GLS2: variants seen among roughly 807,000 people sequenced by gnomAD.
GLS2 encodes the protein glutaminase 2, also known as glutaminase liver isoform, mitochondrial.
GLS2 carries 52 observed loss-of-function variants against 79.0 expected under a neutral mutation model. The observed-to-expected ratio is 0.66, with a 90% CI of 0.53 to 0.83. The LOEUF (loss-of-function observed/expected upper bound fraction) is 0.83, where lower values mean the gene tolerates loss of function less well. GLS2 is among the 40% of genes least tolerant of loss of function. The probability of loss-of-function intolerance (pLI) is 0.00; values close to 1 mark genes in which losing one functional copy is unlikely to be tolerated. For synonymous variants in GLS2, 238 were observed against 280.8 expected (o/e 0.85, Z 1.52); for missense variants, 561 against 764.8 (o/e 0.73, Z 3.14).
Position 56,473,321 on chromosome 12 carries a change from C to A in GLS2, c.1357-1G>T, listed in dbSNP as rs1212443891. ...GGAAATTGAAGAGAGACACCAACTT[C>A]TAGAATTGTAAGCCAAATATATTGT... On this transcript the variant is annotated splice_acceptor_variant, in intron 13 of 17. Coordinates refer to ENST00000311966, the MANE Select transcript of GLS2 (RefSeq NM_013267.4). LOFTEE classifies it high-confidence loss of function. The A allele has an allele frequency of 6.2e-7, 1 of 1,613,992 alleles. No homozygotes were observed. The highest frequency in any genetic ancestry group is 1.7e-5 in the Admixed American group (1 of 59,986).
chr12:56,480,377 C>T lies in GLS2; in HGVS notation c.193G>A (p.Glu65Lys), dbSNP rs1244001942. The change falls in exon 2 of 18, where the codon GAA becomes AAA. Residue 65 changes from glutamate to lysine, a missense_variant. Transcript: ENST00000311966. ...QPQHQDHDSS[E>K]SGMLSRLGDL... Reference sequence around the variant, plus strand: ...CCCAGGCGGGACAGCATGCCACTTTCTGATGAATCACTGTTTGGGGGCAGA... The same window carrying T: ...CCCAGGCGGGACAGCATGCCACTTTTTGATGAATCACTGTTTGGGGGCAGA... 3.1e-6 allele frequency: 5 copies of T among 1,614,076 alleles called. No homozygotes were observed. The highest frequency in any genetic ancestry group is 4.2e-6 in the Non-Finnish European group (5 of 1,179,960).
rs1565703564 is a variant in GLS2 at position 56,475,626 on chromosome 12, G to A, written c.927C>T (p.Ala309=). ...CAGTCCTCTGAGTAGGGACTTACGT[G>A]GCATTGCTGAAACCCATGTATTCAT... ...AGNEYMGFSN[A]TFQSEKETGD... is the part of the protein sequence containing the mutation. The change falls in exon 9 of 18, where the codon GCC becomes GCT. Residue 309 remains alanine, a splice_region_variant and synonymous_variant. Coordinates refer to ENST00000311966, the MANE Select transcript of GLS2 (RefSeq NM_013267.4). The A allele has an allele frequency of 2.5e-6, 4 of 1,614,054 alleles. No individual in the cohort carries two copies. The highest frequency in any genetic ancestry group is 1.7e-6 in the Non-Finnish European group (2 of 1,179,970).
chr12:56,487,668 C>T, intron 1 of GLS2: 1 of 520,564 alleles, frequency 1.9e-6, no homozygotes, highest in Non-Finnish European at 3.4e-6. Context: ...CAACACTCGG[C>T]GCGCATCTGT....
At chr12:56,471,708 A>C (rs935123700) in intron 17 of GLS2, 65 bp from the exon 18 acceptor site, 5 of 1,611,682 alleles carry the variant, frequency 3.1e-6, no homozygotes. Flanking sequence ...ATATATTTGC[A>C]TGGTGGCTGG....
At chr12:56,472,519 G>A (rs1009818212) in intron 15 of GLS2, 171 bp downstream of exon 15, 6 of 635,418 alleles carry the variant, frequency 9.4e-6, no homozygotes, top group African/African-American at 3.7e-5. Flanking sequence ...AGAGCAGACA[G>A]TTTACTTTTT....
rs754576147 is a variant in GLS2, at chr12:56,479,800, C to T, written c.384G>A (p.Leu128=). 1 of 1,606,754 alleles carries T rather than the reference C, an allele frequency of 6.2e-7. No homozygotes were observed. Among genetic ancestry groups the T allele is most frequent in the Non-Finnish European group, 8.5e-7 (1 of 1,176,170 alleles). The change falls in exon 3 of 18, where the codon TTG becomes TTA. Residue 128 remains leucine, a synonymous_variant. Transcript: ENST00000311966. ...VVQESSSGGL[L]DRDLFRKCVS... is the part of the protein sequence containing the mutation. ...CTCACTTTCGGAAGAGATCTCGGTC[C>T]AAGAGGCCACCACTACTGGACTCTT... is the stretch of plus-strand genomic sequence containing the variant.
In GLS2 at chr12:56,471,368, A is replaced by C; in HGVS notation, c.*119T>G. The C allele has an allele frequency of 9.0e-7, 1 of 1,114,790 alleles. No homozygotes were observed. 69.1% of individuals were successfully genotyped at this position (1,114,790 alleles called of 1,614,324 possible). On this transcript the variant is annotated 3_prime_UTR_variant, in exon 18 of 18. Transcript: ENST00000311966. The stretch of plus-strand genomic sequence containing the variant: ...TAGAAAGCACTAGCCTAAGTCACCA[A>C]ATGACTGCTTGGTCCCCACTGAAGC...
chr12:56,485,288 G>A (rs537129446), intron 1 of GLS2, among the ~76,000 whole-genome samples: 7 of 151,954 alleles, frequency 4.6e-5, no homozygotes, highest in East Asian at 1.9e-4. Flanking sequence ...ACAGGGTCTT[G>A]CTCTGTTGCC....
At chr12:56,482,286 A>G (rs139158941) in intron 1 of GLS2, among the ~76,000 whole-genome samples, 294 of 152,292 alleles carry the variant, frequency 1.9e-3, no homozygotes, top group African/African-American at 6.9e-3. Context: ...CCTATTCCCC[A>G]TCATGCCCAC....
At chr12:56,487,795 T>A in intron 1 of GLS2, 142 bp downstream of exon 1, 2 of 1,050,700 alleles carry the variant, frequency 1.9e-6, no homozygotes, top group Non-Finnish European at 2.6e-6. Context: ...AAGCCCCACA[T>A]CCAAAGGAAA....
intron 9 of GLS2, chr12:56,475,421 T>C: frequency 1.4e-6 from 1 of 702,318 alleles, no homozygotes; most frequent in East Asian, 2.7e-5. Flanking sequence ...GCCTCTCTCA[T>C]TATGTACTAA....
chr12:56,480,605 T>C (rs2136190978), intron 1 of GLS2: 1 of 534,434 alleles, frequency 1.9e-6, no homozygotes. Context: ...TCTTTATTTT[T>C]AGCTCCCTTC....
chr12:56,472,778 C>A, intron 14 of GLS2, 27 bp from the exon 15 acceptor site: 2 of 1,607,924 alleles, frequency 1.2e-6, no homozygotes, highest in Non-Finnish European at 1.7e-6. Context: ...ACCCACATGA[C>A]ATTAATTGAA....
intron 9 of GLS2, 149 bp downstream of exon 9, chr12:56,475,475 T>G: frequency 1.3e-6 from 1 of 775,182 alleles, no homozygotes; most frequent in East Asian, 2.6e-5. Context: ...CAAATGTTTA[T>G]GAAGGGACTC....
chr12:56,475,494 C>G, intron 9 of GLS2, 130 bp downstream of exon 9: 1 of 918,344 alleles, frequency 1.1e-6, no homozygotes, highest in Non-Finnish European at 1.7e-6. Flanking sequence ...TCAGAGGAAG[C>G]TGGAGGGCCA....
At position 56,486,644 on chromosome 12, in the gene GLS2, C is replaced by G. The variant is rs187654638; in HGVS notation, c.182+1293G>C. 4.9e-3 allele frequency among the ~76,000 whole-genome samples: 747 copies of G among 152,252 alleles called. 7 individuals are homozygous for G. The highest frequency in any genetic ancestry group is 0.017 in the African/African-American group (716 of 41,544). ...TCACCTGAAGTCAGGAGTTCAAGAC[C>G]AGCAGGGCCAACACGGTGAAACCCT... On this transcript the variant is annotated intron_variant, in intron 1 of 17. Transcript: ENST00000311966.
At chr12:56,475,395 C>T (rs772628807) in intron 9 of GLS2, 128 of 724,840 alleles carry the variant, frequency 1.8e-4, no homozygotes, top group Non-Finnish European at 2.6e-4. Context: ...AGGGCTTAGG[C>T]ACAAACCATC....
At position 56,478,174 on chromosome 12, in the gene GLS2, G is replaced by A. The variant is rs1246317027; in HGVS notation, c.614+9C>T. On this transcript the variant is annotated intron_variant, in intron 5 of 17. Coordinates refer to ENST00000311966, the MANE Select transcript of GLS2 (RefSeq NM_013267.4). ...CCCTGCCTCCCCTTCCTCTTGCCCA[G>A]CATCTCACCGTTGACCATCCACAGT... 3.7e-6 allele frequency: 6 copies of A among 1,614,100 alleles called. No individual in the cohort carries two copies. Among genetic ancestry groups the A allele is most frequent in the Non-Finnish European group, 4.2e-6 (5 of 1,180,044 alleles).
rs1257911208 is a variant in GLS2 at position 56,488,046 on chromosome 12, G to T, written c.73C>A (p.His25Asn). Reference sequence around the variant, plus strand: ...CCAAGGAGGGGGCTCCGGCTCGGGTGACCCCAGCCTCCTCGCCCGCAGTGA... The same window carrying T: ...CCAAGGAGGGGGCTCCGGCTCGGGTTACCCCAGCCTCCTCGCCCGCAGTGA... ...GSHCGRGGWG[H>N]PSRSPLLGGG... The change falls in exon 1 of 18, where the codon CAC (histidine) becomes AAC (asparagine). Residue 25 changes from histidine to asparagine, a missense_variant. His to Asn is a moderately conservative substitution (Grantham distance 68). This residue lies in a region of GLS2 where 161 missense variants were observed against 167.8 expected (regional missense o/e 0.96). Coordinates refer to ENST00000311966, the MANE Select transcript of GLS2 (RefSeq NM_013267.4). 6.3e-7 allele frequency: 1 copy of T among 1,589,946 alleles called. No individual in the cohort carries two copies. The highest frequency in any genetic ancestry group is 8.5e-7 in the Non-Finnish European group (1 of 1,175,200).
Sources: allele counts gnomAD v4.1 joint callset (sites outside exome capture counted in the v4.1 genomes callset), GRCh38; gene constraint gnomAD v4.1.1; regional missense constraint gnomAD v4.1.1; transcripts MANE v1.5; gene names NCBI Gene and HGNC (gene_info 2026-07-23, HGNC 2026-07-21).